GRID1: variants seen among roughly 807,000 people sequenced by gnomAD.
GRID1 encodes the protein glutamate receptor ionotropic, delta-1.
GRID1 carries 28 observed loss-of-function variants against 98.0 expected under a neutral mutation model. The ratio of observed to expected loss-of-function variants is 0.29; its 90% CI spans 0.21 to 0.39. The LOEUF is 0.39. Among genes scored for constraint, GRID1 ranks in the 10% least tolerant of loss-of-function variants. The pLI, the probability that GRID1 is intolerant of heterozygous loss-of-function variation, is 1.00. For synonymous variants in GRID1, 553 were observed against 538.5 expected, an observed-to-expected ratio of 1.03 and a Z score of -0.37; for missense variants, 1,111 against 1,340.5, an observed-to-expected ratio of 0.83 and a Z score of 2.67.
chr10:85,942,572 T>C (rs1371827980), intron 4 of GRID1, among the ~76,000 whole-genome samples: 1 of 152,254 alleles, frequency 6.6e-6, no homozygotes, highest in East Asian at 1.9e-4. Context: ...CTCTTTTGCA[T>C]GGACCTGGCG....
At chr10:86,161,833 A>C (rs1043006579) in intron 3 of GRID1, among the ~76,000 whole-genome samples, 2 of 152,202 alleles carry the variant, frequency 1.3e-5, no homozygotes, top group Non-Finnish European at 2.9e-5. Flanking sequence ...AATTGATAAC[A>C]ACATCTCAAT....
chr10:86,015,504 C>T (rs941050912), intron 4 of GRID1, among the ~76,000 whole-genome samples: 6 of 152,222 alleles, frequency 3.9e-5, no homozygotes, highest in Non-Finnish European at 7.3e-5. Flanking sequence ...AAAACTGATA[C>T]AAAAATGCAA....
At chr10:86,081,822 T>C (rs1286136100) in intron 4 of GRID1, among the ~76,000 whole-genome samples, 1 of 152,098 alleles carries the variant, frequency 6.6e-6, no homozygotes, top group African/African-American at 2.4e-5. Flanking sequence ...GGCAAAACTA[T>C]AGAGAGAGTA....
chr10:86,113,568 A>G (rs1844522339), intron 4 of GRID1, among the ~76,000 whole-genome samples: 1 of 152,198 alleles, frequency 6.6e-6, no homozygotes, highest in Non-Finnish European at 1.5e-5. Flanking sequence ...ACCACATGAT[A>G]TTATTTTGCT....
intron 8 of GRID1, among the ~76,000 whole-genome samples, chr10:85,738,504 T>A (rs1176530909): frequency 6.6e-6 from 1 of 152,198 alleles, no homozygotes; most frequent in East Asian, 1.9e-4. Flanking sequence ...AGACATTACA[T>A]AAGGGAGATG....
At chr10:86,216,221 C>T (rs1846175240) in intron 2 of GRID1, among the ~76,000 whole-genome samples, 1 of 152,218 alleles carries the variant, frequency 6.6e-6, no homozygotes, top group South Asian at 2.1e-4. Flanking sequence ...TTATCTCATG[C>T]TTAATCCCTA....
chr10:86,273,920 G>C (rs1178981207), intron 2 of GRID1, among the ~76,000 whole-genome samples: 3 of 151,640 alleles, frequency 2.0e-5, no homozygotes, highest in Non-Finnish European at 4.4e-5. Context: ...AGTTTAATTA[G>C]ATCCCATTTG....
At chr10:86,176,572 A>C (rs1486460645) in intron 3 of GRID1, among the ~76,000 whole-genome samples, 1 of 152,226 alleles carries the variant, frequency 6.6e-6, no homozygotes, top group Non-Finnish European at 1.5e-5. Flanking sequence ...ATGATCGTGC[A>C]AAAGAAGGGA....
rs553039471 is a variant in GRID1, at chr10:86,105,768, C to T, written c.726+33051G>A. Among the ~76,000 whole-genome samples the T allele has an allele frequency of 3.0e-4, 46 of 152,328 alleles. No homozygotes were observed. In the South Asian group the frequency reaches 4.6e-3, roughly 15 times the overall value. On this transcript the variant is annotated intron_variant, in intron 4 of 15. Coordinates refer to ENST00000327946, the MANE Select transcript of GRID1 (RefSeq NM_017551.3). ...TGACATCAGTCAAATAAGCCTGTGACAGACAGATCATTGCAGAGTGAAGTC... is the reference window on the plus strand; with the variant it reads ...TGACATCAGTCAAATAAGCCTGTGATAGACAGATCATTGCAGAGTGAAGTC...
At chr10:86,026,298 C>A (rs1366283351) in intron 4 of GRID1, among the ~76,000 whole-genome samples, 2 of 152,158 alleles carry the variant, frequency 1.3e-5, no homozygotes, top group African/African-American at 4.8e-5. Flanking sequence ...CTCTTACAAG[C>A]GCAGAAATGC....
intron 8 of GRID1, among the ~76,000 whole-genome samples, chr10:85,790,967 C>T (rs981368228): frequency 5.9e-5 from 9 of 152,200 alleles, no homozygotes; most frequent in African/African-American, 2.2e-4. Flanking sequence ...GGCCTGGGGG[C>T]AACACACTCT....
chr10:86,308,409 G>C (rs1366096155), intron 2 of GRID1, among the ~76,000 whole-genome samples: 1 of 152,210 alleles, frequency 6.6e-6, no homozygotes, highest in African/African-American at 2.4e-5. Context: ...TGTACATCCT[G>C]ACAGATTGGA....
intron 4 of GRID1, among the ~76,000 whole-genome samples, chr10:85,950,262 A>G (rs951771115): frequency 1.3e-5 from 2 of 152,226 alleles, no homozygotes; most frequent in Non-Finnish European, 2.9e-5. Context: ...TTGCCAACTT[A>G]GAAGCAGTGG....
chr10:86,006,823 G>A (rs927467560), intron 4 of GRID1, among the ~76,000 whole-genome samples: 3 of 150,988 alleles, frequency 2.0e-5, no homozygotes, highest in Non-Finnish European at 2.9e-5. Flanking sequence ...AAAACAATTC[G>A]GGTGTCACTG....
intron 2 of GRID1, among the ~76,000 whole-genome samples, chr10:86,263,652 C>T (rs1254633071): frequency 1.3e-5 from 2 of 152,228 alleles, no homozygotes; most frequent in East Asian, 1.9e-4. Flanking sequence ...ATGCCTGTTT[C>T]CCCACCTCCC....
intron 2 of GRID1, among the ~76,000 whole-genome samples, chr10:86,254,119 G>A (rs558578010): frequency 8.7e-4 from 133 of 152,194 alleles, no homozygotes; most frequent in African/African-American, 3.0e-3. Context: ...CCACCTATGT[G>A]CATGACAGCA....
At chr10:85,629,067 C>T (rs552383023) in intron 13 of GRID1, among the ~76,000 whole-genome samples, 97 of 152,124 alleles carry the variant, frequency 6.4e-4, no homozygotes, top group Non-Finnish European at 1.0e-3. Context: ...GATGGCCAGG[C>T]CCCAGGATTT....
At chr10:86,234,557 C>T (rs1238004836) in intron 2 of GRID1, among the ~76,000 whole-genome samples, 1 of 152,142 alleles carries the variant, frequency 6.6e-6, no homozygotes. Context: ...AACTAAGTTT[C>T]CTGGGAGAAA....
At chr10:85,766,322 T>G (rs1842197620) in intron 8 of GRID1, among the ~76,000 whole-genome samples, 1 of 152,162 alleles carries the variant, frequency 6.6e-6, no homozygotes, top group East Asian at 1.9e-4. Context: ...CCCATTTCTA[T>G]AGAAAATTTA....
Sources: gnomAD v4.1 joint callset for allele counts (sites outside exome capture counted in the v4.1 genomes callset) on GRCh38, gnomAD v4.1.1 for gene constraint, MANE v1.5 for transcripts, NCBI Gene and HGNC (gene_info 2026-07-23, HGNC 2026-07-21) for gene names.